The following MICU1 variants were observed in gnomAD, a reference collection of about 807,000 sequenced individuals.
MICU1 encodes mitochondrial calcium uptake 1.
Under a neutral mutation model 56.8 loss-of-function variants are expected in MICU1, and 45 were observed. The observed-to-expected ratio is 0.79, with a 90% CI of 0.62 to 1.02. The LOEUF (loss-of-function observed/expected upper bound fraction) is 1.02. MICU1 is among the 50% of genes least tolerant of loss of function. The probability of loss-of-function intolerance (pLI) is 0.00; values close to 1 mark genes in which losing one functional copy is unlikely to be tolerated. For missense variants in MICU1, 504 were observed against 587.1 expected, an observed-to-expected ratio of 0.86 and a Z score of 1.46; for synonymous variants, 186 against 195.1, an observed-to-expected ratio of 0.95 and a Z score of 0.39.
intron 7 of MICU1, among the ~76,000 whole-genome samples, chr10:72,476,694 A>AT (rs1310963889): frequency 1.3e-5 from 2 of 152,202 alleles, no homozygotes; most frequent in African/African-American, 4.8e-5. Flanking sequence ...GAGAAGCACC[A>AT]TGGTTCTCCA....
At chr10:72,582,783 CAAA>C (rs35690148) in intron 1 of MICU1, 8 of 139,268 alleles carry the variant, frequency 5.7e-5, no homozygotes, top group Non-Finnish European at 3.1e-5. Context: ...GACCTTGTCT[CAAA>C]AAAAAAAAAA....
intron 10 of MICU1, among the ~76,000 whole-genome samples, chr10:72,400,822 A>G (rs1863426569): frequency 6.6e-6 from 1 of 152,050 alleles, no homozygotes; most frequent in Admixed American, 6.6e-5. Context: ...TTTGTGAAAG[A>G]GCAGTAAAAC....
chr10:72,480,690 C>T (rs1866267199), intron 6 of MICU1, among the ~76,000 whole-genome samples: 1 of 152,220 alleles, frequency 6.6e-6, no homozygotes, highest in Non-Finnish European at 1.5e-5. Flanking sequence ...TGCTCCCATA[C>T]ATGAATTAAA....
intron 1 of MICU1, among the ~76,000 whole-genome samples, chr10:72,587,523 A>C (rs1841096463): frequency 6.6e-6 from 1 of 151,570 alleles, no homozygotes; most frequent in African/African-American, 2.4e-5. Flanking sequence ...TAATCACAGC[A>C]CTTTGGAAGG....
intron 10 of MICU1, among the ~76,000 whole-genome samples, chr10:72,395,993 C>T (rs1863243879): frequency 6.6e-6 from 1 of 152,224 alleles, no homozygotes; most frequent in Admixed American, 6.5e-5. Context: ...TCTCTGACCC[C>T]TGTGTAGCCT....
At chr10:72,514,427 T>C (rs896989152) in intron 5 of MICU1, among the ~76,000 whole-genome samples, 12 of 152,170 alleles carry the variant, frequency 7.9e-5, no homozygotes, top group Non-Finnish European at 5.9e-5. Flanking sequence ...TTTTGTATAT[T>C]ATAATGTGGT....
intron 4 of MICU1, among the ~76,000 whole-genome samples, chr10:72,534,065 C>T (rs1839561412): frequency 6.6e-6 from 1 of 152,000 alleles, no homozygotes; most frequent in Non-Finnish European, 1.5e-5. Flanking sequence ...GAACTCTGGA[C>T]TCCTCCCAAG....
At chr10:72,573,856 A>C (rs1840676711) in intron 1 of MICU1, among the ~76,000 whole-genome samples, 1 of 152,188 alleles carries the variant, frequency 6.6e-6, no homozygotes, top group Non-Finnish European at 1.5e-5. Context: ...ATCAAGGCAC[A>C]TTATGGCAAG....
At chr10:72,451,111 G>A (rs550691449) in intron 8 of MICU1, among the ~76,000 whole-genome samples, 3 of 140,182 alleles carry the variant, frequency 2.1e-5, no homozygotes, top group South Asian at 2.3e-4. Flanking sequence ...TGCAACCTCC[G>A]CCTTTCTGGT....
intron 8 of MICU1, among the ~76,000 whole-genome samples, chr10:72,442,372 G>A (rs1353515778): frequency 6.6e-6 from 1 of 152,014 alleles, no homozygotes; most frequent in Non-Finnish European, 1.5e-5. Context: ...TTGAACTCCT[G>A]ACCTCAGGTG....
chr10:72,479,815 C>T (rs999118385), intron 6 of MICU1, among the ~76,000 whole-genome samples: 14 of 152,188 alleles, frequency 9.2e-5, no homozygotes, highest in Non-Finnish European at 1.6e-4. Flanking sequence ...GTGTGAGCCA[C>T]AGCACCCGGC....
chr10:72,624,001 T>TA (rs1332743144), intron 1 of MICU1, among the ~76,000 whole-genome samples: 3 of 152,204 alleles, frequency 2.0e-5, no homozygotes, highest in African/African-American at 7.2e-5. Flanking sequence ...GCAGCCATTG[T>TA]AAAAATGGCT....
intron 4 of MICU1, among the ~76,000 whole-genome samples, chr10:72,539,557 A>G (rs1325497102): frequency 3.3e-5 from 5 of 152,180 alleles, no homozygotes; most frequent in Non-Finnish European, 5.9e-5. Context: ...TGGAAACGCA[A>G]TATGTTTTTG....
intron 8 of MICU1, among the ~76,000 whole-genome samples, chr10:72,442,781 G>A (rs980228208): frequency 5.9e-5 from 9 of 152,090 alleles, no homozygotes; most frequent in South Asian, 4.2e-4. Flanking sequence ...TTTTTGAGAC[G>A]GAGTCTTGCT....
chr10:72,422,066 C>T (rs1216832900), intron 9 of MICU1, among the ~76,000 whole-genome samples: 1 of 152,176 alleles, frequency 6.6e-6, no homozygotes, highest in Non-Finnish European at 1.5e-5. Context: ...TGTTGAAGCC[C>T]TCCCTAACCC....
At chr10:72,509,249 C>G in intron 5 of MICU1, 4 of 531,916 alleles carry the variant, frequency 7.5e-6, no homozygotes, top group Non-Finnish European at 1.2e-5. Flanking sequence ...AAAACCCAAA[C>G]CAATAAAGCA....
At chr10:72,408,269 T>G (rs933743755) in intron 9 of MICU1, among the ~76,000 whole-genome samples, 2 of 152,174 alleles carry the variant, frequency 1.3e-5, no homozygotes, top group Non-Finnish European at 2.9e-5. Flanking sequence ...ACGTAAAATC[T>G]GAGAAAGCTT....
chr10:72,608,052 T>G (rs1841740891), intron 1 of MICU1, among the ~76,000 whole-genome samples: 1 of 152,176 alleles, frequency 6.6e-6, no homozygotes, highest in Non-Finnish European at 1.5e-5. Context: ...TGTTTTTTCC[T>G]TTATACTGTT....
At chr10:72,385,107 C>T (rs7903972) in intron 10 of MICU1, among the ~76,000 whole-genome samples, 6,303 of 152,154 alleles carry the variant, frequency 0.041, 430 homozygotes, top group African/African-American at 0.14. Context: ...CAGTAGGTGC[C>T]AGGGTACTAA....
Sources: allele counts gnomAD v4.1 joint callset (sites outside exome capture counted in the v4.1 genomes callset), GRCh38; gene constraint gnomAD v4.1.1; transcripts MANE v1.5; gene names NCBI Gene and HGNC (gene_info 2026-07-23, HGNC 2026-07-21).